PIK3C2A: variants seen among roughly 807,000 people sequenced by gnomAD.
The protein encoded by PIK3C2A is phosphatidylinositol-4-phosphate 3-kinase catalytic subunit type 2 alpha.
In PIK3C2A, 97 loss-of-function variants were observed where a neutral mutation model predicts 204.5. The ratio of observed to expected loss-of-function variants is 0.47; its 90% CI spans 0.40 to 0.56. The LOEUF is 0.56. PIK3C2A is among the 20% of genes least tolerant of loss of function. The pLI, the probability that PIK3C2A is intolerant of heterozygous loss-of-function variation, is 0.00. For missense variants in PIK3C2A, 1,735 were observed against 1,969.2 expected (o/e 0.88, Z 2.25); for synonymous variants, 653 against 664.4 (o/e 0.98, Z 0.26).
At chr11:17,105,357 T>G in intron 22 of PIK3C2A, 52 bp from the exon 23 acceptor site, 1 of 1,388,026 alleles carries the variant, frequency 7.2e-7, no homozygotes. Context: ...AAAGTAAGCC[T>G]TTAAACATTT....
intron 8 of PIK3C2A, 100 bp downstream of exon 8, chr11:17,145,568 A>G: frequency 1.4e-6 from 1 of 721,114 alleles, no homozygotes; most frequent in Non-Finnish European, 2.4e-6. Flanking sequence ...ATAGTCTTAA[A>G]AGTCCTAAAA....
intron 1 of PIK3C2A, chr11:17,204,398 A>G (rs1852492141): frequency 6.6e-6 from 1 of 152,266 alleles, no homozygotes; most frequent in African/African-American, 2.4e-5. Context: ...AATGGATACC[A>G]GAAGTATTAA....
intron 8 of PIK3C2A, among the ~76,000 whole-genome samples, chr11:17,142,461 C>G (rs151293503): frequency 8.5e-5 from 13 of 152,098 alleles, no homozygotes; most frequent in Non-Finnish European, 1.6e-4. Flanking sequence ...CAGATGCCAA[C>G]TAAGTATTTC....
At chr11:17,140,963 A>G (rs1850044561) in intron 8 of PIK3C2A, among the ~76,000 whole-genome samples, 1 of 152,174 alleles carries the variant, frequency 6.6e-6, no homozygotes, top group Non-Finnish European at 1.5e-5. Context: ...TGTCACAGGG[A>G]AAAGCATTTA....
chr11:17,129,587 G>T, intron 12 of PIK3C2A, 120 bp from the exon 13 acceptor site: 1 of 685,444 alleles, frequency 1.5e-6, no homozygotes, highest in Non-Finnish European at 2.4e-6. Context: ...TCTTTATTTT[G>T]GTATTTTTAT....
Position 17,131,976 on chromosome 11 carries a change from A to G in PIK3C2A, c.2171T>C (p.Ile724Thr). ...GTAAGTGCCAACCTTCTTTGATTGA[A>G]TAGGTTTAAAAAGATCCTTTCCATT... ...SHNGKDLFKPIQSKKVGTYKN... is the reference protein window; with the variant it reads ...SHNGKDLFKPTQSKKVGTYKN... Residue 724 changes from isoleucine (I) to threonine (T), a missense_variant, in exon 12 of 33, where the codon ATT (isoleucine) becomes ACT (threonine). Physicochemically the swap from Ile to Thr is moderately conservative, Grantham distance 89. Transcript: ENST00000691414. The G allele has an allele frequency of 6.3e-7, 1 of 1,577,978 alleles. No homozygotes were observed. The highest frequency in any genetic ancestry group is 8.7e-7 in the Non-Finnish European group (1 of 1,151,144).
At chr11:17,193,535 G>T in intron 1 of PIK3C2A, 1 of 443,238 alleles carries the variant, frequency 2.3e-6, no homozygotes, top group Non-Finnish European at 4.5e-6. Context: ...CCCGAAAATG[G>T]CACAGAAATG....
At chr11:17,095,900 G>C (rs183611647) in intron 27 of PIK3C2A, among the ~76,000 whole-genome samples, 24 of 151,664 alleles carry the variant, frequency 1.6e-4, no homozygotes, top group Admixed American at 1.6e-3. Flanking sequence ...CTGGGCAACA[G>C]AGTGAGACTC....
At chr11:17,204,589 C>T (rs1852500364) in intron 1 of PIK3C2A, among the ~76,000 whole-genome samples, 1 of 152,156 alleles carries the variant, frequency 6.6e-6, no homozygotes, top group African/African-American at 2.4e-5. Flanking sequence ...TGACCATATC[C>T]TATTTAGCCT....
At chr11:17,122,062 T>C (rs1280622841) in intron 15 of PIK3C2A, 126 bp downstream of exon 15, 4 of 558,632 alleles carry the variant, frequency 7.2e-6, no homozygotes, top group East Asian at 3.2e-5. Flanking sequence ...GTAAGTTAAA[T>C]AGAAAACTTT....
chr11:17,095,676 G>A (rs1415687372), intron 27 of PIK3C2A, among the ~76,000 whole-genome samples: 3 of 151,910 alleles, frequency 2.0e-5, no homozygotes, highest in African/African-American at 7.2e-5. Context: ...TCGAGAGGCC[G>A]AAATGAGTGG....
At chr11:17,140,036 C>A (rs946678606) in intron 8 of PIK3C2A, among the ~76,000 whole-genome samples, 7 of 152,148 alleles carry the variant, frequency 4.6e-5, no homozygotes, top group African/African-American at 1.2e-4. Flanking sequence ...GCCTCAAAAC[C>A]CCTACTGCCA....
chr11:17,119,696 C>G, intron 16 of PIK3C2A, 90 bp downstream of exon 16: 1 of 739,486 alleles, frequency 1.4e-6, no homozygotes, highest in Non-Finnish European at 2.2e-6. Context: ...GAATTGCTTT[C>G]ATGTTAAAAG....
intron 8 of PIK3C2A, among the ~76,000 whole-genome samples, chr11:17,139,101 C>T (rs988993970): frequency 9.9e-5 from 15 of 151,860 alleles, no homozygotes; most frequent in Admixed American, 3.3e-4. Context: ...AAAGTAGAGA[C>T]GAGGTTTCAC....
intron 1 of PIK3C2A, among the ~76,000 whole-genome samples, chr11:17,176,545 T>C (rs375437431): frequency 7.2e-5 from 11 of 152,028 alleles, no homozygotes; most frequent in Middle Eastern, 3.4e-3. Context: ...CTTTGAGGCT[T>C]TGAGAGGCCA....
At chr11:17,147,791 G>A (rs1009383435) in intron 5 of PIK3C2A, among the ~76,000 whole-genome samples, 163 bp from the exon 6 acceptor site, 3 of 152,106 alleles carry the variant, frequency 2.0e-5, no homozygotes, top group Non-Finnish European at 4.4e-5. Context: ...TATTCTGTAC[G>A]AGAAGAGTCA....
chr11:17,134,181 A>G, intron 11 of PIK3C2A, among the ~76,000 whole-genome samples: 1 of 152,136 alleles, frequency 6.6e-6, no homozygotes, highest in East Asian at 1.9e-4. Context: ...CAAGATCAGA[A>G]TAGTTGCTAG....
chr11:17,130,653 A>G (rs1289411575), intron 12 of PIK3C2A, among the ~76,000 whole-genome samples: 2 of 151,298 alleles, frequency 1.3e-5, no homozygotes. Flanking sequence ...AAAAATACAA[A>G]AAAATTAGCC....
At chr11:17,163,488 C>A (rs887771494) in intron 2 of PIK3C2A, among the ~76,000 whole-genome samples, 1 of 152,132 alleles carries the variant, frequency 6.6e-6, no homozygotes, top group Non-Finnish European at 1.5e-5. Flanking sequence ...ATTGCAGCCT[C>A]AAACTCCTGG....
Sources: gnomAD v4.1 joint callset for allele counts (sites outside exome capture counted in the v4.1 genomes callset) on GRCh38, gnomAD v4.1.1 for gene constraint, MANE v1.5 for transcripts, NCBI Gene and HGNC (gene_info 2026-07-23, HGNC 2026-07-21) for gene names.